The following IST1 variants were observed in gnomAD, a reference collection of about 807,000 sequenced individuals.
IST1 encodes the protein IST1 factor associated with ESCRT-III.
Under a neutral mutation model 37.0 loss-of-function variants are expected in IST1, and 23 were observed. The observed-to-expected ratio is 0.62, with a 90% CI of 0.45 to 0.88. IST1 has a LOEUF of 0.88. Ranked by LOEUF, IST1 falls within the 40% of genes least tolerant of loss-of-function variation. The pLI, the probability that IST1 is intolerant of heterozygous loss-of-function variation, is 0.00. For missense variants in IST1, 488 were observed against 445.4 expected (o/e 1.10, Z -0.86); for synonymous variants, 180 against 161.7 (o/e 1.11, Z -0.86).
intron 1 of IST1, among the ~76,000 whole-genome samples, chr16:71,910,258 G>A (rs774873934): frequency 1.3e-5 from 2 of 151,998 alleles, no homozygotes; most frequent in Non-Finnish European, 2.9e-5. Flanking sequence ...GCATATCCAC[G>A]CTGTGTATGC....
chr16:71,910,227 TG>T (rs2037319450), intron 1 of IST1, among the ~76,000 whole-genome samples: 1 of 152,160 alleles, frequency 6.6e-6, no homozygotes. Flanking sequence ...CCACCTGGGA[TG>T]TGAATTACCC....
At chr16:71,924,212 C>G (rs1211354840) in intron 8 of IST1, 7 of 455,186 alleles carry the variant, frequency 1.5e-5, no homozygotes, top group Non-Finnish European at 3.1e-5. Context: ...GGACTTGGTT[C>G]TTAAGATATA....
At chr16:71,903,825 G>GT (rs2037162171) in intron 1 of IST1, 1 of 152,552 alleles carries the variant, frequency 6.6e-6, no homozygotes, top group Non-Finnish European at 1.5e-5. Flanking sequence ...GTTGGTGGTG[G>GT]TGTTCAGTTC....
rs1657490375 is a variant in IST1 at position 71,930,719 on chromosome 16, GCATA to G, written c.*2911_*2914del. On this transcript the variant is annotated 3_prime_UTR_variant, in exon 10 of 10. Coordinates refer to ENST00000378799, the MANE Select transcript of IST1 (RefSeq NM_001270975.2). ...GAGTTCTGCCATTCTTTACTTTTCTGCATACATAAATATCAAGTTCTGGGCTTAT... is the reference window on the plus strand; with the variant it reads ...GAGTTCTGCCATTCTTTACTTTTCTGCATAAATATCAAGTTCTGGGCTTAT... 1 of 151,476 alleles carries G rather than the reference GCATA, an allele frequency of 6.6e-6. No individual in the cohort carries two copies. Among genetic ancestry groups the G allele is most frequent in the Non-Finnish European group, 1.5e-5 (1 of 67,932 alleles). 9.4% of individuals were successfully genotyped at this position (151,476 alleles called of 1,614,324 possible). A position where few individuals can be genotyped will look rare whatever the true frequency, so the allele number is the denominator to read the frequency against.
chr16:71,925,316 A>ATT (rs772300347), intron 9 of IST1, among the ~76,000 whole-genome samples: 4,980 of 78,774 alleles, frequency 0.063, 484 homozygotes, highest in African/African-American at 0.22. Context: ...CCCCCAGCTG[A>ATT]TTTTTTTTTT....
Position 71,929,842 on chromosome 16 carries a change from G to C in IST1, c.*2029G>C, listed in dbSNP as rs888032457. The C allele has an allele frequency of 8.4e-6, 8 of 950,446 alleles. No individual in the cohort carries two copies. The highest frequency in any genetic ancestry group is 1.1e-5 in the Non-Finnish European group (7 of 654,524). 58.9% of individuals were successfully genotyped at this position (950,446 alleles called of 1,614,324 possible). On this transcript the variant is annotated 3_prime_UTR_variant, in exon 10 of 10. Transcript: ENST00000378799. ...GGAGTGTTTCCACTAATGGTTGCGA[G>C]CCAACTATTTATAGGACAATGGCTA...
At chr16:71,896,856 A>G (rs1042142113) in intron 1 of IST1, among the ~76,000 whole-genome samples, 4 of 152,088 alleles carry the variant, frequency 2.6e-5, no homozygotes, top group Non-Finnish European at 4.4e-5. Flanking sequence ...CCGCATCTAT[A>G]GTCCAGGAGG....
intron 1 of IST1, among the ~76,000 whole-genome samples, chr16:71,907,335 T>A (rs1470938442): frequency 2.6e-5 from 4 of 151,398 alleles, no homozygotes; most frequent in Non-Finnish European, 4.4e-5. Context: ...TGGAGTGCAG[T>A]GGTGCGATCT....
intron 8 of IST1, chr16:71,924,225 C>G (rs2037682929): frequency 2.2e-6 from 1 of 453,456 alleles, no homozygotes; most frequent in Non-Finnish European, 4.4e-6. Context: ...AAGATATATT[C>G]AAGAATGCTT....
At position 71,930,909 on chromosome 16, in the gene IST1, G is replaced by C. The variant is rs541879380; in HGVS notation, c.*3096G>C. The C allele has an allele frequency of 6.6e-6, 1 of 152,164 alleles. No homozygotes were observed. The highest frequency in any genetic ancestry group is 6.6e-5 in the Admixed American group (1 of 15,258). The allele number at this position is 152,164 out of a possible 1,614,324, so 9.4% of individuals were successfully genotyped here. ...GGTTGATTACAGTCAATGCCACCCTGATGGAAATCTATATGGCAAAATATT... is the reference window on the plus strand; with the variant it reads ...GGTTGATTACAGTCAATGCCACCCTCATGGAAATCTATATGGCAAAATATT... On this transcript the variant is annotated 3_prime_UTR_variant, in exon 10 of 10. Transcript: ENST00000378799.
At chr16:71,902,775 T>C (rs1391063726) in intron 1 of IST1, among the ~76,000 whole-genome samples, 2 of 152,228 alleles carry the variant, frequency 1.3e-5, no homozygotes, top group Non-Finnish European at 2.9e-5. Flanking sequence ...ATAATTTATA[T>C]GTTTATATGT....
At chr16:71,907,741 C>T (rs1415683092) in intron 1 of IST1, among the ~76,000 whole-genome samples, 2 of 152,134 alleles carry the variant, frequency 1.3e-5, no homozygotes, top group African/African-American at 4.8e-5. Flanking sequence ...GCTCTTTTCT[C>T]TGTCATTTCC....
intron 1 of IST1, among the ~76,000 whole-genome samples, chr16:71,910,993 A>G (rs1039568384): frequency 6.6e-6 from 1 of 152,138 alleles, no homozygotes; most frequent in Non-Finnish European, 1.5e-5. Context: ...AACAAAAAAA[A>G]CATTGGGAGG....
At chr16:71,919,014 T>C (rs1296978627) in intron 4 of IST1, among the ~76,000 whole-genome samples, 1 of 152,234 alleles carries the variant, frequency 6.6e-6, no homozygotes, top group Non-Finnish European at 1.5e-5. Context: ...GAGTAGCTTC[T>C]TGAATATTCT....
Position 71,917,132 on chromosome 16 carries a change from A to G in IST1, c.355A>G (p.Ile119Val), listed in dbSNP as rs553202405. 7.9e-5 allele frequency: 126 copies of G among 1,589,826 alleles called. No homozygotes were observed. The highest frequency in any genetic ancestry group is 1.1e-4 in the Non-Finnish European group (124 of 1,159,316). Reference sequence around the variant, plus strand: ...CCAGTCAGAAGTGGCTGAGTTGAAAATAGTGAGTACAAGTAGTTTCAGTGA... The same window carrying G: ...CCAGTCAGAAGTGGCTGAGTTGAAAGTAGTGAGTACAAGTAGTTTCAGTGA... ...RLQSEVAELK[I>V]VADQLCAKYS... The change falls in exon 4 of 10, where the codon ATA (isoleucine) becomes GTA (valine). Residue 119 changes from isoleucine to valine, a missense_variant and splice_region_variant. Ile to Val is a conservative substitution (Grantham distance 29). Coordinates refer to ENST00000378799, the MANE Select transcript of IST1 (RefSeq NM_001270975.2).
At position 71,929,206 on chromosome 16, in the gene IST1, C is replaced by CG. The variant is rs1376220622; in HGVS notation, c.*1394dup. On this transcript the variant is annotated 3_prime_UTR_variant, in exon 10 of 10. Transcript: ENST00000378799. ...TTGGTCTTCCTCAGTGGCAGGGCTC[C>CG]GCATCTGCCATGCCTCATCCTTGGA... 1.0e-5 allele frequency: 2 copies of CG among 198,720 alleles called. No individual in the cohort carries two copies. Among genetic ancestry groups the CG allele is most frequent in the African/African-American group, 4.7e-5 (2 of 42,658 alleles). The allele number at this position is 198,720 out of a possible 1,614,324, so 12.3% of individuals were successfully genotyped here.
intron 8 of IST1, 113 bp downstream of exon 8, chr16:71,923,493 A>C (rs539005940): frequency 1.7e-6 from 1 of 592,438 alleles, no homozygotes; most frequent in Admixed American, 3.1e-5. Flanking sequence ...TACTGTCATC[A>C]TTTTTGCTTT....
Position 71,922,590 on chromosome 16 carries a change from A to T in IST1, c.669A>T (p.Gly223=), listed in dbSNP as rs1294211791. 2 of 1,612,108 alleles carry T rather than the reference A, an allele frequency of 1.2e-6. No homozygotes were observed. The highest frequency in any genetic ancestry group is 2.2e-5 in the South Asian group (2 of 90,874). ...GTGGCTTCACAGCACCAGTTGGTGG[A>T]CCTGATGGAACGGTGCCAATGCCCA... ...GSGGFTAPVG[G]PDGTVPMPMP... The change falls in exon 7 of 10, where the codon GGA becomes GGT. Residue 223 remains glycine (G), a synonymous_variant. Transcript: ENST00000378799.
chr16:71,900,327 C>CTTTTTTTTTTTTTT (rs201344260), intron 1 of IST1, among the ~76,000 whole-genome samples: 6 of 100,508 alleles, frequency 6.0e-5, no homozygotes, highest in South Asian at 3.9e-4. Flanking sequence ...CTTAGGAAGT[C>CTTTTTTTTTTTTTT]TTTTTTTTTT....
Sources: allele counts gnomAD v4.1 joint callset (sites outside exome capture counted in the v4.1 genomes callset), GRCh38; gene constraint gnomAD v4.1.1; transcripts MANE v1.5; gene names NCBI Gene and HGNC (gene_info 2026-07-23, HGNC 2026-07-21).